Variants in EIPR1 observed in about 807,000 individuals in gnomAD.
The protein encoded by EIPR1 is EARP and GARP complex-interacting protein 1.
In EIPR1, 25 loss-of-function variants were observed where a neutral mutation model predicts 48.1. The observed-to-expected ratio is 0.52, with a 90% CI of 0.38 to 0.73. The LOEUF is 0.73. EIPR1 is among the 30% of genes least tolerant of loss of function. The pLI is 0.00. For missense variants in EIPR1, 415 were observed against 506.2 expected, an observed-to-expected ratio of 0.82 and a Z score of 1.73; for synonymous variants, 204 against 201.9, an observed-to-expected ratio of 1.01 and a Z score of -0.09.
intron 1 of EIPR1, among the ~76,000 whole-genome samples, chr2:3,369,810 C>A (rs1328401798): frequency 6.6e-6 from 1 of 152,216 alleles, no homozygotes; most frequent in Non-Finnish European, 1.5e-5. Flanking sequence ...GGGGGCAGGG[C>A]ACAGACAAAC....
intron 1 of EIPR1, among the ~76,000 whole-genome samples, chr2:3,365,814 G>A (rs919903800): frequency 6.6e-5 from 10 of 151,714 alleles, no homozygotes; most frequent in Admixed American, 2.0e-4. Flanking sequence ...TAAGGTCACA[G>A]ATCAACAGGA....
chr2:3,245,614 G>T (rs1666772558), intron 4 of EIPR1, among the ~76,000 whole-genome samples: 1 of 152,192 alleles, frequency 6.6e-6, no homozygotes, highest in Non-Finnish European at 1.5e-5. Flanking sequence ...ACAAACTAAG[G>T]GATGTTAGGC....
At chr2:3,215,968 C>G (rs867212414) in intron 4 of EIPR1, among the ~76,000 whole-genome samples, 3 of 152,130 alleles carry the variant, frequency 2.0e-5, no homozygotes, top group Admixed American at 6.5e-5. Flanking sequence ...TAAACAAGAC[C>G]AAAACTCTAA....
chr2:3,252,825 G>C lies in EIPR1; in HGVS notation c.416+4474C>G, dbSNP rs531089973. On this transcript the variant is annotated intron_variant, in intron 4 of 8. Coordinates refer to ENST00000382125, the MANE Select transcript of EIPR1 (RefSeq NM_003310.5). ...CCTGAGGGGCCCTTACAGGAACCCC[G>C]GCACTGCCTTGTTTTTAGGATCTTC... Among the ~76,000 whole-genome samples the C allele has an allele frequency of 2.0e-5, 3 of 152,132 alleles. No individual in the cohort carries two copies. In the East Asian group the frequency reaches 5.8e-4, roughly 29 times the overall value.
chr2:3,279,048 TC>T (rs988372046), intron 3 of EIPR1, among the ~76,000 whole-genome samples: 1 of 152,180 alleles, frequency 6.6e-6, no homozygotes, highest in African/African-American at 2.4e-5. Flanking sequence ...GGACAGTGAC[TC>T]GACACCCATG....
chr2:3,225,466 G>A (rs866363405), intron 4 of EIPR1, among the ~76,000 whole-genome samples: 2 of 152,134 alleles, frequency 1.3e-5, no homozygotes, highest in East Asian at 1.9e-4. Context: ...GGCTAGTCTC[G>A]AACTCCTGGG....
intron 1 of EIPR1, among the ~76,000 whole-genome samples, chr2:3,370,431 A>C (rs1671085924): frequency 6.6e-6 from 1 of 152,222 alleles, no homozygotes; most frequent in Admixed American, 6.5e-5. Context: ...CAGACGATCA[A>C]ACTACTCCGA....
rs1669887965 is a variant in EIPR1, at chr2:3,331,145, GC to G, written c.259+6871del. 1.6e-5 allele frequency among the ~76,000 whole-genome samples: 2 copies of G among 126,232 alleles called. 1 individual carries two copies. The allele number at this position is 126,232 out of a possible 152,430, so 82.8% of individuals were successfully genotyped here. ...GTGGTGTGAGCAGAAGCAGGCGTGT[GC>G]ACACTCATGAGATGGTGTGAGCAGA... On this transcript the variant is annotated intron_variant, in intron 3 of 8. Coordinates refer to ENST00000382125, the MANE Select transcript of EIPR1 (RefSeq NM_003310.5).
At chr2:3,298,885 G>A (rs890877556) in intron 3 of EIPR1, among the ~76,000 whole-genome samples, 17 of 152,268 alleles carry the variant, frequency 1.1e-4, no homozygotes, top group East Asian at 3.9e-4. Context: ...AGCTGCAGAC[G>A]TCAAGCCCAG....
At chr2:3,338,426 A>G (rs1670133593) in intron 2 of EIPR1, among the ~76,000 whole-genome samples, 1 of 152,248 alleles carries the variant, frequency 6.6e-6, no homozygotes, top group Non-Finnish European at 1.5e-5. Context: ...ATAAGGCACC[A>G]AACGCTGTGT....
chr2:3,271,310 C>T (rs1243456008), intron 3 of EIPR1, among the ~76,000 whole-genome samples: 4 of 152,198 alleles, frequency 2.6e-5, no homozygotes, highest in African/African-American at 7.2e-5. Flanking sequence ...TCCTATAAAT[C>T]GCAAATGTTC....
intron 3 of EIPR1, among the ~76,000 whole-genome samples, chr2:3,324,232 C>T (rs1669622748): frequency 6.6e-6 from 1 of 152,170 alleles, no homozygotes; most frequent in South Asian, 2.1e-4. Context: ...GAGCAGGTCC[C>T]CAGCCCCTGG....
At chr2:3,325,295 A>C (rs1363299853) in intron 3 of EIPR1, among the ~76,000 whole-genome samples, 1 of 152,230 alleles carries the variant, frequency 6.6e-6, no homozygotes, top group East Asian at 1.9e-4. Context: ...CCTGATGCTC[A>C]CAGGTACAGT....
intron 3 of EIPR1, among the ~76,000 whole-genome samples, chr2:3,295,567 A>T (rs1373977076): frequency 5.8e-5 from 5 of 85,650 alleles, no homozygotes; most frequent in South Asian, 4.4e-4. Context: ...TCCTCTCTCC[A>T]CACACACACC....
chr2:3,277,870 T>C (rs1209563897), intron 3 of EIPR1, among the ~76,000 whole-genome samples: 1 of 152,218 alleles, frequency 6.6e-6, no homozygotes, highest in East Asian at 1.9e-4. Flanking sequence ...TGTTTCACGG[T>C]GGACTTGAGC....
At chr2:3,220,745 CGCACACAATGGCCGAG>C in intron 4 of EIPR1, among the ~76,000 whole-genome samples, 1 of 150,128 alleles carries the variant, frequency 6.7e-6, no homozygotes, top group Admixed American at 6.6e-5. Context: ...CCGGAACACA[CGCACACAATGGCCGAG>C]GTACACTCTA....
chr2:3,349,921 T>A (rs1670519883), intron 2 of EIPR1, among the ~76,000 whole-genome samples: 1 of 151,968 alleles, frequency 6.6e-6, no homozygotes. Flanking sequence ...GTCAGGAGTT[T>A]GAGACCAGCC....
chr2:3,309,951 T>C (rs1051473653), intron 3 of EIPR1, among the ~76,000 whole-genome samples: 24 of 152,126 alleles, frequency 1.6e-4, no homozygotes, highest in African/African-American at 4.3e-4. Flanking sequence ...GTGCAGGCTC[T>C]GGCAGTGCCC....
chr2:3,196,831 T>C (rs774704153), intron 6 of EIPR1, 50 bp downstream of exon 6: 1 of 1,602,356 alleles, frequency 6.2e-7, no homozygotes, highest in East Asian at 2.2e-5. Context: ...CCGGTTCTGC[T>C]CGGTGAGGGA....
Sources: allele counts gnomAD v4.1 joint callset (sites outside exome capture counted in the v4.1 genomes callset), GRCh38; gene constraint gnomAD v4.1.1; transcripts MANE v1.5; gene names NCBI Gene and HGNC (gene_info 2026-07-23, HGNC 2026-07-21).